Variants in MED15 observed in about 807,000 individuals in gnomAD.
The protein encoded by MED15 is mediator complex subunit 15, also known as mediator of RNA polymerase II transcription subunit 15.
In MED15, 41 loss-of-function variants were observed where a neutral mutation model predicts 118.7. That is an observed-to-expected ratio of 0.35 (90% CI 0.27 to 0.45). MED15 has a LOEUF of 0.45. Among genes scored for constraint, MED15 ranks in the 20% least tolerant of loss-of-function variants. The pLI is 1.00. For missense variants in MED15, 740 were observed against 1,025.5 expected (o/e 0.72, Z 3.80); for synonymous variants, 436 against 413.9 (o/e 1.05, Z -0.65).
intron 1 of MED15, among the ~76,000 whole-genome samples, chr22:20,510,928 G>A (rs1315100629): frequency 6.6e-6 from 1 of 152,156 alleles, no homozygotes; most frequent in African/African-American, 2.4e-5. Context: ...CCACAGCCGG[G>A]AAGAGCAGTT....
intron 2 of MED15, among the ~76,000 whole-genome samples, chr22:20,548,919 C>T (rs1358058574): frequency 2.0e-5 from 3 of 152,150 alleles, no homozygotes; most frequent in African/African-American, 7.2e-5. Context: ...CCTCAGCCTC[C>T]CACTTTGAGG....
chr22:20,584,281 A>G, intron 13 of MED15, 78 bp from the exon 14 acceptor site: 2 of 1,430,908 alleles, frequency 1.4e-6, no homozygotes, highest in Non-Finnish European at 9.8e-7. Flanking sequence ...GCTGAGGCCC[A>G]GTGGCAGTAG....
intron 1 of MED15, among the ~76,000 whole-genome samples, chr22:20,535,658 C>T (rs1444063231): frequency 2.0e-5 from 3 of 149,908 alleles, no homozygotes; most frequent in African/African-American, 4.9e-5. Context: ...CTCCCGGGTT[C>T]ATGCCATTCT....
chr22:20,583,629 C>A (rs1012521538), intron 13 of MED15: 4 of 534,950 alleles, frequency 7.5e-6, no homozygotes, highest in African/African-American at 1.9e-5. Context: ...TCATGCTGGG[C>A]CATCACAGCC....
intron 7 of MED15, 119 bp downstream of exon 7, chr22:20,566,936 G>A: frequency 1.3e-6 from 2 of 1,513,524 alleles, no homozygotes; most frequent in Non-Finnish European, 1.8e-6. Context: ...ACTTCAGGCA[G>A]CCCCCACCCC....
At chr22:20,573,442 A>G (rs1296413434) in intron 8 of MED15, among the ~76,000 whole-genome samples, 1 of 152,146 alleles carries the variant, frequency 6.6e-6, no homozygotes, top group Admixed American at 6.5e-5. Flanking sequence ...AGCCTTGGCC[A>G]CCCTGGAGGA....
chr22:20,563,174 A>G (rs751138442), intron 5 of MED15, among the ~76,000 whole-genome samples: 2 of 152,236 alleles, frequency 1.3e-5, no homozygotes, highest in Non-Finnish European at 2.9e-5. Flanking sequence ...AAAATGAAAT[A>G]TGCAACTCAG....
intron 5 of MED15, among the ~76,000 whole-genome samples, chr22:20,562,028 A>G (rs1344474021): frequency 3.3e-5 from 5 of 152,108 alleles, no homozygotes; most frequent in African/African-American, 9.7e-5. Flanking sequence ...GTGGTGGTAC[A>G]CACCTGTAGT....
intron 1 of MED15, among the ~76,000 whole-genome samples, chr22:20,527,537 G>T (rs2054691680): frequency 6.6e-6 from 1 of 151,826 alleles, no homozygotes; most frequent in Non-Finnish European, 1.5e-5. Flanking sequence ...GAACTCCTGG[G>T]CTCAAGTGAT....
chr22:20,513,445 AT>A (rs1227315046), intron 1 of MED15, among the ~76,000 whole-genome samples: 2 of 151,644 alleles, frequency 1.3e-5, no homozygotes, highest in African/African-American at 4.8e-5. Flanking sequence ...CTCCTGGCTA[AT>A]TTTTGTATTT....
chr22:20,551,447 T>C lies in MED15; in HGVS notation c.168T>C (p.Leu56=), dbSNP rs763694668. The part of the protein sequence containing the change: ...FLKAKTRDEY[L]SLVARLIIHF... The stretch of plus-strand genomic sequence containing the variant: ...GTTTTTACTTTTAGGACGAATACCT[T>C]TCTCTCGTGGCCAGGCTCATTATCC... Residue 56 remains leucine, a synonymous_variant, in exon 3 of 18, where the codon CTT becomes CTC. Coordinates refer to ENST00000263205, the MANE Select transcript of MED15 (RefSeq NM_001003891.3). 6.2e-7 allele frequency: 1 copy of C among 1,614,152 alleles called. No individual in the cohort carries two copies. Among genetic ancestry groups the C allele is most frequent in the Non-Finnish European group, 8.5e-7 (1 of 1,179,962 alleles).
intron 2 of MED15, among the ~76,000 whole-genome samples, chr22:20,549,134 T>C (rs1417707847): frequency 6.6e-6 from 1 of 152,214 alleles, no homozygotes; most frequent in Non-Finnish European, 1.5e-5. Flanking sequence ...TGTTTTCTTA[T>C]CTGTAAACTG....
rs141044124 is a variant in MED15, at chr22:20,568,409, G to A, written c.1042-112G>A. On this transcript the variant is annotated intron_variant, in intron 7 of 17. Coordinates refer to ENST00000263205, the MANE Select transcript of MED15 (RefSeq NM_001003891.3). ...CATCACAGCACATGAGGTCATGAAAGTCCCATTCCTCACCTCAAGAAAGGC... is the reference window on the plus strand; with the variant it reads ...CATCACAGCACATGAGGTCATGAAAATCCCATTCCTCACCTCAAGAAAGGC... 401 of 1,470,796 alleles carry A rather than the reference G, an allele frequency of 2.7e-4. 1 individual carries two copies. The African/African-American group carries it at 4.4e-3, about 16-fold the overall frequency. 91.1% of individuals were successfully genotyped at this position (1,470,796 alleles called of 1,614,324 possible).
chr22:20,579,542 T>G (rs1438020742), intron 9 of MED15, among the ~76,000 whole-genome samples: 28 of 142,344 alleles, frequency 2.0e-4, no homozygotes, highest in East Asian at 4.2e-4. Context: ...GGGGCGGGGG[T>G]GGGGATCGCG....
At chr22:20,532,249 G>A (rs565469539) in intron 1 of MED15, among the ~76,000 whole-genome samples, 108 of 152,354 alleles carry the variant, frequency 7.1e-4, no homozygotes, top group Non-Finnish European at 1.3e-3. Context: ...AAAGGTGGCA[G>A]TCAGAAAGTG....
chr22:20,528,638 G>A (rs1417115749), intron 1 of MED15, among the ~76,000 whole-genome samples: 1 of 152,152 alleles, frequency 6.6e-6, no homozygotes, highest in African/African-American at 2.4e-5. Context: ...CTAGAGCATG[G>A]TCTTCCAGAC....
intron 3 of MED15, 100 bp from the exon 4 acceptor site, chr22:20,553,045 A>T: frequency 8.7e-7 from 1 of 1,151,614 alleles, no homozygotes; most frequent in Non-Finnish European, 1.3e-6. Flanking sequence ...CGTGGGGATT[A>T]AGGCTTGGGC....
intron 5 of MED15, among the ~76,000 whole-genome samples, chr22:20,562,263 A>G (rs1405965346): frequency 1.3e-5 from 2 of 152,254 alleles, no homozygotes; most frequent in Non-Finnish European, 2.9e-5. Flanking sequence ...ATTCATTTAC[A>G]GAAAATTTGA....
In MED15 at chr22:20,553,145, A is replaced by G; in HGVS notation, c.209A>G (p.His70Arg). 1.9e-6 allele frequency: 3 copies of G among 1,611,046 alleles called. No homozygotes were observed. The highest frequency in any genetic ancestry group is 1.7e-6 in the Non-Finnish European group (2 of 1,177,954). The change falls in exon 4 of 18, where the codon CAT (histidine) becomes CGT (arginine). Residue 70 changes from histidine (H) to arginine (R), a missense_variant and splice_region_variant. His to Arg is a conservative substitution (Grantham distance 29). This residue lies in a region of MED15 where 33 missense variants were observed against 78.2 expected (regional missense o/e 0.42). Coordinates refer to ENST00000263205, the MANE Select transcript of MED15 (RefSeq NM_001003891.3). ...TTTTTTTGTTTGTGTTTTCATATAG[A>G]TAACAAGAAATCTCAAGCTTCCGTC... The part of the protein sequence containing the change: ...ARLIIHFRDI[H>R]NKKSQASVSD...
Sources: gnomAD v4.1 joint callset for allele counts (sites outside exome capture counted in the v4.1 genomes callset) on GRCh38, gnomAD v4.1.1 for gene constraint, gnomAD v4.1.1 regional missense constraint, MANE v1.5 for transcripts, NCBI Gene and HGNC (gene_info 2026-07-23, HGNC 2026-07-21) for gene names.